The following ZFR variants were observed in gnomAD, a reference collection of about 807,000 sequenced individuals.
ZFR encodes the protein zinc finger RNA binding protein, also known as zinc finger RNA-binding protein.
A neutral mutation model predicts 130.7 loss-of-function variants in ZFR; 19 were observed. The observed-to-expected ratio is 0.15, with a 90% CI of 0.10 to 0.21. ZFR has a LOEUF of 0.21. Among genes scored for constraint, ZFR ranks in the 10% least tolerant of loss-of-function variants. The probability of loss-of-function intolerance (pLI) is 1.00; values close to 1 mark genes in which losing one functional copy is unlikely to be tolerated. For synonymous variants in ZFR, 466 were observed against 456.9 expected (o/e 1.02, Z -0.25); for missense variants, 872 against 1,321.5 (o/e 0.66, Z 5.27).
chr5:32,356,514 G>A (rs1428699721), intron 19 of ZFR, among the ~76,000 whole-genome samples: 3 of 152,034 alleles, frequency 2.0e-5, no homozygotes, highest in South Asian at 2.1e-4. Flanking sequence ...CCGGGTTCAC[G>A]CCATTCTCCT....
At chr5:32,374,018 A>G (rs201090839) in intron 17 of ZFR, among the ~76,000 whole-genome samples, 2 of 152,168 alleles carry the variant, frequency 1.3e-5, no homozygotes, top group East Asian at 3.8e-4. Flanking sequence ...GGTAGGACCA[A>G]TCTGCAGTGC....
chr5:32,414,233 A>G (rs1028527450), intron 5 of ZFR, among the ~76,000 whole-genome samples: 5 of 152,130 alleles, frequency 3.3e-5, no homozygotes, highest in Non-Finnish European at 7.4e-5. Context: ...TTGTATCCCT[A>G]GCACCCTAGA....
rs772245918 is a variant in ZFR at position 32,406,921 on chromosome 5, A to G, written c.885T>C (p.Ala295=). 4.0e-5 allele frequency: 65 copies of G among 1,606,244 alleles called. No homozygotes were observed. In the Middle Eastern group the frequency reaches 5.0e-4, roughly 12 times the overall value. Reference sequence around the variant, plus strand: ...TCCAGGCAGCTGTTGCAGCAGCAGCAGCAGCTGCTGCTGCTGCCTGCTTCT... The same window carrying G: ...TCCAGGCAGCTGTTGCAGCAGCAGCGGCAGCTGCTGCTGCTGCCTGCTTCT... ...QQQKQAAAAA[A]AAAATAAWTG... The change falls in exon 6 of 20, where the codon GCT becomes GCC. Residue 295 remains alanine (A), a synonymous_variant. Transcript: ENST00000265069.
chr5:32,391,254 G>A (rs1396320222), intron 11 of ZFR, among the ~76,000 whole-genome samples: 1 of 152,178 alleles, frequency 6.6e-6, no homozygotes, highest in Non-Finnish European at 1.5e-5. Flanking sequence ...ACCGTTATCA[G>A]ATGGAAAACA....
chr5:32,359,295 A>AT (rs1284096829), intron 19 of ZFR, among the ~76,000 whole-genome samples: 4 of 146,988 alleles, frequency 2.7e-5, no homozygotes, highest in African/African-American at 7.9e-5. Context: ...ACATTATGAG[A>AT]TTTTTTTGCG....
intron 3 of ZFR, among the ~76,000 whole-genome samples, chr5:32,418,232 C>T (rs1244897350): frequency 6.9e-6 from 1 of 145,066 alleles, no homozygotes; most frequent in Non-Finnish European, 1.5e-5. Flanking sequence ...TGCACTCCAG[C>T]CTGGGCGACA....
chr5:32,436,889 C>T (rs1015199914), intron 2 of ZFR, among the ~76,000 whole-genome samples: 2 of 152,218 alleles, frequency 1.3e-5, no homozygotes, highest in Admixed American at 1.3e-4. Context: ...CACAGGTACA[C>T]TCGGTTTATG....
At chr5:32,416,522 G>A (rs575061213) in intron 4 of ZFR, among the ~76,000 whole-genome samples, 3 of 150,194 alleles carry the variant, frequency 2.0e-5, no homozygotes, top group Non-Finnish European at 2.9e-5. Context: ...GCTGAGGCAG[G>A]AGAATCGCTT....
chr5:32,366,881 A>AT (rs70961624), intron 17 of ZFR, among the ~76,000 whole-genome samples: 44,271 of 142,400 alleles, frequency 0.31, 7,088 homozygotes, highest in Middle Eastern at 0.45. Flanking sequence ...AGATTTTTTA[A>AT]TTTTTTTTTT....
At chr5:32,379,346 C>T in intron 16 of ZFR, 136 bp from the exon 17 acceptor site, 10 of 760,442 alleles carry the variant, frequency 1.3e-5, no homozygotes, top group South Asian at 1.0e-4. Context: ...AAATTGGATT[C>T]AATGAGCTGC....
chr5:32,436,451 C>T (rs1754337275), intron 2 of ZFR, among the ~76,000 whole-genome samples: 1 of 151,844 alleles, frequency 6.6e-6, no homozygotes, highest in South Asian at 2.1e-4. Context: ...GTGCCTGGCC[C>T]CATAGTTGTA....
intron 12 of ZFR, 75 bp downstream of exon 12, chr5:32,390,200 C>T (rs1457550567): frequency 3.3e-6 from 5 of 1,508,566 alleles, no homozygotes; most frequent in Non-Finnish European, 4.5e-6. Context: ...AAACATTAGC[C>T]CCTCCAAAAT....
At chr5:32,372,037 T>G (rs1712489816) in intron 17 of ZFR, among the ~76,000 whole-genome samples, 1 of 152,158 alleles carries the variant, frequency 6.6e-6, no homozygotes, top group Non-Finnish European at 1.5e-5. Context: ...GATTGAAACC[T>G]GAAACTGAAG....
rs375139787 is a variant in ZFR at position 32,444,206 on chromosome 5, G to A, written c.137+23C>T. Reference sequence around the variant, plus strand: ...CCGAGGGGAGAGCAAGGGGCGAACAGAGAGAAGGCAGGATGCCGTTACCTA... The same window carrying A: ...CCGAGGGGAGAGCAAGGGGCGAACAAAGAGAAGGCAGGATGCCGTTACCTA... On this transcript the variant is annotated intron_variant, in intron 2 of 19. Transcript: ENST00000265069. 212 of 1,595,376 alleles carry A rather than the reference G, an allele frequency of 1.3e-4. No individual in the cohort carries two copies. In the African/African-American group the frequency reaches 2.4e-3, roughly 18 times the overall value.
chr5:32,355,995 C>T (rs568408132), intron 19 of ZFR, 56 bp from the exon 20 acceptor site: 110 of 1,385,478 alleles, frequency 7.9e-5, no homozygotes, highest in Non-Finnish European at 1.5e-5. Flanking sequence ...AGTAGTAATA[C>T]TTACTACATT....
chr5:32,395,400 G>T, intron 10 of ZFR, 96 bp from the exon 11 acceptor site: 2 of 995,866 alleles, frequency 2.0e-6, no homozygotes, highest in Non-Finnish European at 2.7e-6. Context: ...TAATCACGGA[G>T]GCTTTTAGTT....
At chr5:32,379,685 GA>G (rs1459996589) in intron 16 of ZFR, 11 of 185,232 alleles carry the variant, frequency 5.9e-5, no homozygotes, top group South Asian at 2.3e-4. Flanking sequence ...GAAAGAGGGG[GA>G]AAAAAATCTT....
At chr5:32,408,717 A>T (rs1338118432) in intron 5 of ZFR, among the ~76,000 whole-genome samples, 1 of 152,196 alleles carries the variant, frequency 6.6e-6, no homozygotes, top group Non-Finnish European at 1.5e-5. Context: ...TAGTTTATAG[A>T]AATTTTGTTT....
intron 2 of ZFR, among the ~76,000 whole-genome samples, chr5:32,429,000 T>C (rs1262440672): frequency 7.0e-5 from 3 of 42,828 alleles, no homozygotes; most frequent in Non-Finnish European, 1.5e-4. Context: ...TTTTTTTTTT[T>C]TTTGAGACGG....
Sources: gnomAD v4.1 joint callset for allele counts (sites outside exome capture counted in the v4.1 genomes callset) on GRCh38, gnomAD v4.1.1 for gene constraint, MANE v1.5 for transcripts, NCBI Gene and HGNC (gene_info 2026-07-23, HGNC 2026-07-21) for gene names.